Variants in FOXP2 observed in about 807,000 individuals in gnomAD.
FOXP2 encodes forkhead box protein P2.
A neutral mutation model predicts 115.8 loss-of-function variants in FOXP2; 12 were observed. The observed-to-expected ratio is 0.10, with a 90% CI of 0.07 to 0.17. The LOEUF (loss-of-function observed/expected upper bound fraction) is 0.17. FOXP2 is among the 10% of genes least tolerant of loss of function. The pLI, the probability that FOXP2 is intolerant of heterozygous loss-of-function variation, is 1.00. For synonymous variants in FOXP2, 328 were observed against 297.7 expected (o/e 1.10, Z -1.05); for missense variants, 629 against 843.5 (o/e 0.75, Z 3.15).
chr7:114,448,337 C>G (rs1794924309), intron 2 of FOXP2, among the ~76,000 whole-genome samples: 1 of 151,980 alleles, frequency 6.6e-6, no homozygotes, highest in South Asian at 2.1e-4. Context: ...GACTTTATAT[C>G]TCCTTTGATT....
chr7:114,421,716 A>G (rs1008975703), intron 1 of FOXP2, among the ~76,000 whole-genome samples: 1 of 151,726 alleles, frequency 6.6e-6, no homozygotes, highest in Non-Finnish European at 1.5e-5. Flanking sequence ...AATTGAAAAT[A>G]TTCATGTGCT....
At position 114,473,927 on chromosome 7, in the gene FOXP2, A is replaced by C. The variant is rs1796150896; in HGVS notation, c.168+47248A>C. On this transcript the variant is annotated intron_variant, in intron 2 of 16. Coordinates refer to ENST00000350908, the MANE Select transcript of FOXP2 (RefSeq NM_014491.4). ...CACTGAATGTCTGTAACAACAACAA[A>C]AATATGGCCATTGCCATCTTTTTCT... Among the ~76,000 whole-genome samples, 3 of 152,212 alleles carry C rather than the reference A, an allele frequency of 2.0e-5. No individual in the cohort carries two copies. In the South Asian group the frequency reaches 6.2e-4, roughly 31 times the overall value.
chr7:114,320,806 A>C (rs182921554), intron 2 of FOXP2, among the ~76,000 whole-genome samples: 198 of 152,280 alleles, frequency 1.3e-3, no homozygotes, highest in African/African-American at 4.6e-3. Flanking sequence ...ACCCTAAGAA[A>C]ACAGAACATT....
intron 2 of FOXP2, among the ~76,000 whole-genome samples, chr7:114,488,711 T>G (rs1796904783): frequency 6.6e-6 from 1 of 152,186 alleles, no homozygotes; most frequent in Non-Finnish European, 1.5e-5. Context: ...AGGTTTAAGC[T>G]CTACCTTTGG....
At chr7:114,630,245 A>C (rs1804828468) in intron 5 of FOXP2, among the ~76,000 whole-genome samples, 1 of 152,166 alleles carries the variant, frequency 6.6e-6, no homozygotes, top group South Asian at 2.1e-4. Context: ...GAATCACAGT[A>C]CAAAGAGCAA....
At chr7:114,098,960 C>T (rs1481739407) in intron 1 of FOXP2, among the ~76,000 whole-genome samples, 1 of 152,018 alleles carries the variant, frequency 6.6e-6, no homozygotes, top group Non-Finnish European at 1.5e-5. Flanking sequence ...CATGGTGAAA[C>T]CATGTCTCTA....
intron 3 of FOXP2, among the ~76,000 whole-genome samples, chr7:114,555,917 T>TCTGA (rs1800433031): frequency 6.6e-6 from 1 of 152,182 alleles, no homozygotes; most frequent in South Asian, 2.1e-4. Context: ...CAGGAATGAC[T>TCTGA]CTGAATCTCT....
intron 2 of FOXP2, among the ~76,000 whole-genome samples, chr7:114,301,816 TG>T (rs1562861569): frequency 6.6e-6 from 1 of 152,128 alleles, no homozygotes; most frequent in Non-Finnish European, 1.5e-5. Context: ...TCTCAAGAGC[TG>T]GTCAACATCT....
At chr7:114,254,908 C>G (rs1795565569) in intron 1 of FOXP2, among the ~76,000 whole-genome samples, 1 of 152,138 alleles carries the variant, frequency 6.6e-6, no homozygotes, top group African/African-American at 2.4e-5. Flanking sequence ...TCTGTTTTTC[C>G]CCGTCTTTGT....
intron 1 of FOXP2, among the ~76,000 whole-genome samples, chr7:114,228,465 A>T (rs1266829480): frequency 6.6e-6 from 1 of 151,960 alleles, no homozygotes; most frequent in Non-Finnish European, 1.5e-5. Flanking sequence ...AGTTCATTAC[A>T]CTTAGAAAAT....
intron 2 of FOXP2, among the ~76,000 whole-genome samples, chr7:114,467,815 C>CATTGACATTTGG (rs1795877346): frequency 6.6e-6 from 1 of 152,076 alleles, no homozygotes. Context: ...TAGTAGAAAG[C>CATTGACATTTGG]ATTGACATTT....
chr7:114,527,088 T>C (rs936489793), intron 2 of FOXP2, among the ~76,000 whole-genome samples: 1 of 152,070 alleles, frequency 6.6e-6, no homozygotes, highest in South Asian at 2.1e-4. Flanking sequence ...TGACTTTTTT[T>C]ATTTAGCATA....
chr7:114,621,361 A>T (rs1804245404), intron 3 of FOXP2, among the ~76,000 whole-genome samples: 1 of 152,084 alleles, frequency 6.6e-6, no homozygotes, highest in Admixed American at 6.6e-5. Flanking sequence ...AGTTTGGGAT[A>T]TTATGGTTCT....
chr7:114,668,896 T>TACAGG (rs1554442153), intron 16 of FOXP2: 3 of 152,110 alleles, frequency 2.0e-5, no homozygotes, highest in African/African-American at 7.2e-5. Context: ...AAGTCATACT[T>TACAGG]ACAGGAGTAT....
In FOXP2 at chr7:114,577,289, C is replaced by T. The variant is rs1037895056; in HGVS notation, c.258+42583C>T. Among the ~76,000 whole-genome samples, 15 of 151,886 alleles carry T rather than the reference C, an allele frequency of 9.9e-5. 1 individual carries two copies. The highest frequency in any genetic ancestry group is 1.8e-4 in the Non-Finnish European group (12 of 67,864). On this transcript the variant is annotated intron_variant, in intron 3 of 16. Coordinates refer to ENST00000350908, the MANE Select transcript of FOXP2 (RefSeq NM_014491.4). ...ACTTAAACCTGAAAAACAACAACAA[C>T]AACAACAAAACTTAAACCTGAAGCT...
chr7:114,299,267 T>C (rs1208555172), intron 2 of FOXP2, among the ~76,000 whole-genome samples: 2 of 152,214 alleles, frequency 1.3e-5, no homozygotes, highest in South Asian at 2.1e-4. Context: ...TGAAGATGTA[T>C]GGACACCCTA....
chr7:114,339,265 G>A (rs1791134695), intron 2 of FOXP2, among the ~76,000 whole-genome samples: 1 of 151,146 alleles, frequency 6.6e-6, no homozygotes, highest in Admixed American at 6.6e-5. Flanking sequence ...ATAAAACTGA[G>A]TGCAACATGG....
At chr7:114,220,033 ATTT>A (rs142683981) in intron 1 of FOXP2, among the ~76,000 whole-genome samples, 1 of 137,448 alleles carries the variant, frequency 7.3e-6, no homozygotes. Context: ...TGCTCAGCTA[ATTT>A]TTTTTTTTTT....
At chr7:114,613,942 C>A (rs924011686) in intron 3 of FOXP2, 1 of 151,966 alleles carries the variant, frequency 6.6e-6, no homozygotes, top group Non-Finnish European at 1.5e-5. Context: ...AGTATTCATT[C>A]CACTAATGGC....
Sources: allele counts gnomAD v4.1 joint callset (sites outside exome capture counted in the v4.1 genomes callset), GRCh38; gene constraint gnomAD v4.1.1; transcripts MANE v1.5; gene names NCBI Gene and HGNC (gene_info 2026-07-23, HGNC 2026-07-21).